The following CYB561A3 variants were observed in gnomAD, a reference collection of about 807,000 sequenced individuals.
CYB561A3 encodes lysosomal membrane ascorbate-dependent ferrireductase CYB561A3.
In CYB561A3, 16 loss-of-function variants were observed where a neutral mutation model predicts 25.3. The ratio of observed to expected loss-of-function variants is 0.63; its 90% CI spans 0.43 to 0.96. The LOEUF (loss-of-function observed/expected upper bound fraction) is 0.96, where lower values mean the gene tolerates loss of function less well. Ranked by LOEUF, CYB561A3 falls within the 40% of genes least tolerant of loss-of-function variation. CYB561A3 has a pLI of 0.00. For missense variants in CYB561A3, 219 were observed against 307.5 expected, an observed-to-expected ratio of 0.71 and a Z score of 2.15; for synonymous variants, 131 against 129.9, an observed-to-expected ratio of 1.01 and a Z score of -0.06.
chr11:61,349,969 A>G lies in CYB561A3; in HGVS notation c.*430T>C. 4.3e-6 allele frequency: 2 copies of G among 468,590 alleles called. No homozygotes were observed. Among genetic ancestry groups the G allele is most frequent in the East Asian group, 8.1e-5 (2 of 24,828 alleles). The allele number at this position is 468,590 out of a possible 1,614,324, so 29.0% of individuals were successfully genotyped here. A position where few individuals can be genotyped will look rare whatever the true frequency, so the allele number is the denominator to read the frequency against. Reference sequence around the variant, plus strand: ...TCTTCACCACATCCCTAGGAGTCTTAAGAGGAAATCAGTCTGATTTCTTCA... The same window carrying G: ...TCTTCACCACATCCCTAGGAGTCTTGAGAGGAAATCAGTCTGATTTCTTCA... On this transcript the variant is annotated 3_prime_UTR_variant, in exon 7 of 7. Transcript: ENST00000294072.
In CYB561A3 at chr11:61,349,755, TC is replaced by T. The variant is rs1170590871; in HGVS notation, c.*643del. 5 of 657,484 alleles carry T rather than the reference TC, an allele frequency of 7.6e-6. No individual in the cohort carries two copies. Among genetic ancestry groups the T allele is most frequent in the African/African-American group, 7.1e-5 (4 of 56,362 alleles). 40.7% of individuals were successfully genotyped at this position (657,484 alleles called of 1,614,324 possible). A position where few individuals can be genotyped will look rare whatever the true frequency, so the allele number is the denominator to read the frequency against. ...CAGCAGAAGCTGCGTGGGCCGCCAC[TC>T]CCCCTTTCTGCAATCACCCCATGAT... On this transcript the variant is annotated 3_prime_UTR_variant, in exon 7 of 7. Coordinates refer to ENST00000294072, the MANE Select transcript of CYB561A3 (RefSeq NM_153611.6).
At chr11:61,356,204 G>T in intron 3 of CYB561A3, 1 of 277,818 alleles carries the variant, frequency 3.6e-6, no homozygotes, top group Non-Finnish European at 6.8e-6. Context: ...GTGTGTATGT[G>T]TTGTCTATGG....
chr11:61,352,733 G>A, intron 5 of CYB561A3: 3 of 1,181,042 alleles, frequency 2.5e-6, no homozygotes, highest in Non-Finnish European at 3.4e-6. Context: ...TGGTTGACAG[G>A]ATTAAATGTA....
rs7949479 is a variant in CYB561A3, at chr11:61,349,308, C to G, written c.*1091G>C. 1,712 of 503,530 alleles carry G rather than the reference C, an allele frequency of 3.4e-3. 26 individuals carry two copies. Among genetic ancestry groups the G allele is most frequent in the African/African-American group, 0.03 (1,569 of 51,802 alleles). 31.2% of individuals were successfully genotyped at this position (503,530 alleles called of 1,614,324 possible). On this transcript the variant is annotated 3_prime_UTR_variant, in exon 7 of 7. Coordinates refer to ENST00000294072, the MANE Select transcript of CYB561A3 (RefSeq NM_153611.6). ...GCAATGTGGGTCTCAGCAAGGAACCCCTCTGAAGGTGGCAGTGGCTCCCAG... is the reference window on the plus strand; with the variant it reads ...GCAATGTGGGTCTCAGCAAGGAACCGCTCTGAAGGTGGCAGTGGCTCCCAG...
In CYB561A3 at chr11:61,351,130, G is replaced by A. The variant is rs1482842564; in HGVS notation, c.566C>T (p.Pro189Leu). The change falls in exon 6 of 7, where the codon CCA becomes CTA. Residue 189 changes from proline to leucine, a missense_variant. By Grantham distance (98) the Pro-to-Leu change is moderately conservative. Coordinates refer to ENST00000294072, the MANE Select transcript of CYB561A3 (RefSeq NM_153611.6). ...CGCCTCACTGGGCAGGCTGTGGTAT[G>A]GCCTGGTGGTGTTTTTCCTGAAGAT... ...LFFSLKNTTR[P>L]YHSLPSEAVF... The A allele has an allele frequency of 3.7e-6, 6 of 1,608,358 alleles. No individual in the cohort carries two copies. Among genetic ancestry groups the A allele is most frequent in the African/African-American group, 1.3e-5 (1 of 74,584 alleles).
chr11:61,354,866 T>TC (rs1554967583), intron 3 of CYB561A3: 2 of 28,072 alleles, frequency 7.1e-5, no homozygotes, highest in Non-Finnish European at 6.4e-4. Flanking sequence ...CTCTCCTTTC[T>TC]TTTTTTTTTT....
chr11:61,352,816 T>TA (rs1347711719), intron 5 of CYB561A3, 169 bp downstream of exon 5: 1 of 1,451,106 alleles, frequency 6.9e-7, no homozygotes, highest in Admixed American at 2.8e-5. Flanking sequence ...TCTGCTGACT[T>TA]ACCAATTTCA....
Position 61,351,053 on chromosome 11 carries a change from GCACCAGCAGCCCAAAGGCCAC to G in CYB561A3, c.622_642del (p.Val208_Val214del). 6.2e-7 allele frequency: 1 copy of G among 1,614,048 alleles called. No individual in the cohort carries two copies. The highest frequency in any genetic ancestry group is 1.1e-5 in the South Asian group (1 of 91,062). ...CAAGATGAAGCCAGAAGGATGTAGAGCACCAGCAGCCCAAAGGCCACCACCAGCATCCCGGTGCTGTTGGCA... is the reference window on the plus strand; with the variant it reads ...CAAGATGAAGCCAGAAGGATGTAGAGCACCAGCATCCCGGTGCTGTTGGCA... On this transcript the variant is annotated inframe_deletion, in exon 6 of 7. Transcript: ENST00000294072.
chr11:61,353,526 C>T (rs1468381092), intron 4 of CYB561A3: 5 of 680,492 alleles, frequency 7.3e-6, no homozygotes, highest in South Asian at 3.0e-5. Context: ...TTAGAGTCAG[C>T]ATAGTGCGTG....
rs1857539077 is a variant in CYB561A3, at chr11:61,353,951, T to G, written c.226A>C (p.Lys76Gln). 7 of 1,614,118 alleles carry G rather than the reference T, an allele frequency of 4.3e-6. No homozygotes were observed. The highest frequency in any genetic ancestry group is 5.9e-6 in the Non-Finnish European group (7 of 1,180,018). Residue 76 changes from lysine to glutamine, a missense_variant, in exon 4 of 7, where the codon AAA (lysine) becomes CAA (glutamine). Transcript: ENST00000294072. ...GCATGGAGGAGTTTCCAGGGCAGTT[T>G]GGGCCCCACCCACGACTGGGGCAGG... ...YRLPQSWVGP[K>Q]LPWKLLHAAL...
chr11:61,350,249 G>C lies in CYB561A3; in HGVS notation c.*150C>G. ...CAGACAGGCAGCAAGCGGCCGGAGA[G>C]GGCAGGCCAGCACCCAGGCAAGAAG... On this transcript the variant is annotated 3_prime_UTR_variant, in exon 7 of 7. Coordinates refer to ENST00000294072, the MANE Select transcript of CYB561A3 (RefSeq NM_153611.6). 9.7e-7 allele frequency: 1 copy of C among 1,034,750 alleles called. No homozygotes were observed. Among genetic ancestry groups the C allele is most frequent in the Non-Finnish European group, 1.4e-6 (1 of 713,736 alleles). 64.1% of individuals were successfully genotyped at this position (1,034,750 alleles called of 1,614,324 possible).
At chr11:61,352,923 T>C (rs1857482031) in intron 5 of CYB561A3, 62 bp downstream of exon 5, 6 of 1,613,150 alleles carry the variant, frequency 3.7e-6, no homozygotes, top group East Asian at 4.5e-5. Context: ...TCACAGGGTG[T>C]ATCTTTTGAA....
chr11:61,356,546 C>G lies in CYB561A3; in HGVS notation c.168G>C (p.Val56=), dbSNP rs752160353. The G allele has an allele frequency of 1.9e-6, 3 of 1,613,880 alleles. No homozygotes were observed. In the African/African-American group the frequency reaches 4.0e-5, roughly 22 times the overall value. The part of the protein sequence containing the change: ...WHPVLMVAGM[V]VFYGGASLVY... ...CTTACTCACCACCTCCATAGAATACCACCATGCCAGCAACCATAAGCACTG... is the reference window on the plus strand; with the variant it reads ...CTTACTCACCACCTCCATAGAATACGACCATGCCAGCAACCATAAGCACTG... Residue 56 remains valine, a synonymous_variant, in exon 3 of 7, where the codon GTG becomes GTC. Coordinates refer to ENST00000294072, the MANE Select transcript of CYB561A3 (RefSeq NM_153611.6).
chr11:61,351,142 T>G lies in CYB561A3; in HGVS notation c.554A>C (p.Asn185Thr), dbSNP rs756445220. The G allele has an allele frequency of 2.9e-5, 47 of 1,605,636 alleles. No homozygotes were observed. Among genetic ancestry groups the G allele is most frequent in the South Asian group, 1.8e-4 (16 of 89,638 alleles). The change falls in exon 6 of 7, where the codon AAC (asparagine) becomes ACC (threonine). Residue 185 changes from asparagine to threonine, a missense_variant. Asn to Thr is a moderately conservative substitution (Grantham distance 65). Transcript: ENST00000294072. ...CAGGCTGTGGTATGGCCTGGTGGTG[T>G]TTTTCCTGAAGATGACAAAACAATG... ...INEKLFFSLK[N>T]TTRPYHSLPS...
intron 3 of CYB561A3, chr11:61,354,395 G>A (rs971343604): frequency 4.5e-5 from 9 of 201,338 alleles, no homozygotes; most frequent in African/African-American, 9.3e-5. Context: ...GGCTGGGCAC[G>A]GTGACTCATG....
chr11:61,359,300 C>G (rs1857758190), intron 1 of CYB561A3: 3 of 151,550 alleles, frequency 2.0e-5, no homozygotes, highest in Non-Finnish European at 4.4e-5. Context: ...AGGAGAAAAT[C>G]ATGCCACCAG....
At chr11:61,351,917 G>C (rs926034546) in intron 5 of CYB561A3, 1 of 152,054 alleles carries the variant, frequency 6.6e-6, no homozygotes, top group African/African-American at 2.4e-5. Context: ...CTATCTCTTG[G>C]CTGGGGGGAT....
intron 5 of CYB561A3, 139 bp downstream of exon 5, chr11:61,352,846 C>T: frequency 6.7e-7 from 1 of 1,498,462 alleles, no homozygotes; most frequent in Non-Finnish European, 8.9e-7. Context: ...AAGATCAATT[C>T]TGTTACCTTC....
intron 2 of CYB561A3, 24 bp from the exon 3 acceptor site, chr11:61,356,752 T>C: frequency 6.2e-7 from 1 of 1,609,166 alleles, no homozygotes; most frequent in Non-Finnish European, 8.5e-7. Flanking sequence ...AAGTCACAAA[T>C]CTCCACTGGC....
Sources: allele counts gnomAD v4.1 joint callset, GRCh38; gene constraint gnomAD v4.1.1; transcripts MANE v1.5; gene names NCBI Gene and HGNC (gene_info 2026-07-23, HGNC 2026-07-21).